Variants in ANO2 observed in about 807,000 individuals in gnomAD.
ANO2 encodes anoctamin-2.
A neutral mutation model predicts 124.2 loss-of-function variants in ANO2; 101 were observed. The ratio of observed to expected loss-of-function variants is 0.81; its 90% confidence interval spans 0.69 to 0.96. The LOEUF (loss-of-function observed/expected upper bound fraction) is 0.96, where lower values mean the gene tolerates loss of function less well. ANO2 is among the 40% of genes least tolerant of loss of function. The pLI, the probability that ANO2 is intolerant of heterozygous loss-of-function variation, is 0.00. For missense variants in ANO2, 1,293 were observed against 1,274.5 expected, an observed-to-expected ratio of 1.01 and a Z score of -0.22; for synonymous variants, 486 against 482.5, an observed-to-expected ratio of 1.01 and a Z score of -0.09.
chr12:5,676,013 T>A (rs1948225907), intron 14 of ANO2, among the ~76,000 whole-genome samples: 1 of 152,172 alleles, frequency 6.6e-6, no homozygotes, highest in Admixed American at 6.5e-5. Flanking sequence ...CGGAGCCACA[T>A]CACATCTTCC....
chr12:5,657,554 C>T (rs920378994), intron 14 of ANO2, among the ~76,000 whole-genome samples: 3 of 150,452 alleles, frequency 2.0e-5, no homozygotes, highest in Non-Finnish European at 4.4e-5. Flanking sequence ...GGTTGGAGTG[C>T]AGTATGCTTT....
chr12:5,588,210 C>A (rs923019656), intron 20 of ANO2, among the ~76,000 whole-genome samples: 2 of 149,118 alleles, frequency 1.3e-5, no homozygotes, highest in Admixed American at 1.4e-4. Context: ...AGGAGGAAGC[C>A]TCACTTCATT....
At chr12:5,586,679 T>C (rs2136860286) in intron 20 of ANO2, among the ~76,000 whole-genome samples, 1 of 152,370 alleles carries the variant, frequency 6.6e-6, no homozygotes, top group Non-Finnish European at 1.5e-5. Context: ...CAGGCCATTC[T>C]GCTCCTTTAA....
chr12:5,585,043 C>T (rs184488447), intron 20 of ANO2, among the ~76,000 whole-genome samples: 2 of 152,138 alleles, frequency 1.3e-5, no homozygotes, highest in African/African-American at 4.8e-5. Flanking sequence ...GACAGCCTCA[C>T]GTGGTGAGAA....
At chr12:5,845,985 T>A (rs1291494451) in intron 4 of ANO2, among the ~76,000 whole-genome samples, 2 of 152,268 alleles carry the variant, frequency 1.3e-5, no homozygotes, top group Non-Finnish European at 2.9e-5. Context: ...AGACTTTTGA[T>A]CTCAAGATAA....
intron 14 of ANO2, among the ~76,000 whole-genome samples, chr12:5,712,317 CAAG>C (rs1394051811): frequency 6.6e-6 from 1 of 151,942 alleles, no homozygotes; most frequent in Non-Finnish European, 1.5e-5. Flanking sequence ...CAAATGTAAC[CAAG>C]TTAAGGATCT....
Position 5,672,425 on chromosome 12 carries a change from T to C in ANO2, c.1546-24624A>G, listed in dbSNP as rs188633413. 9.5e-4 allele frequency among the ~76,000 whole-genome samples: 144 copies of C among 152,362 alleles called. 1 individual carries two copies. The highest frequency in any genetic ancestry group is 3.5e-4 in the Non-Finnish European group (24 of 68,034). On this transcript the variant is annotated intron_variant, in intron 14 of 24. Transcript: ENST00000682330. ...ACAGAAGTCTTCATGTTCTGCAGTC[T>C]GTGCCCTTCTGAACACTCTTGGTTT...
chr12:5,600,982 T>A (rs1490694383), intron 19 of ANO2, among the ~76,000 whole-genome samples: 2 of 152,216 alleles, frequency 1.3e-5, no homozygotes, highest in Admixed American at 1.3e-4. Flanking sequence ...AATGTTTTGA[T>A]CAGTTTCTGG....
chr12:5,718,903 C>T (rs1179021861), intron 14 of ANO2, among the ~76,000 whole-genome samples: 3 of 152,228 alleles, frequency 2.0e-5, no homozygotes, highest in African/African-American at 4.8e-5. Flanking sequence ...TTCCAGTTCC[C>T]ACTAGAGGAC....
Position 5,577,950 on chromosome 12 carries a change from C to G in ANO2, c.2439+5G>C. On this transcript the variant is annotated splice_donor_5th_base_variant and intron_variant, in intron 22 of 24. Coordinates refer to ENST00000682330, the MANE Select transcript of ANO2 (RefSeq NM_001364791.2). The stretch of plus-strand genomic sequence containing the variant: ...AGCGAGTGTGTCATGAATGCAAGTA[C>G]TTACGTTGCTGATAACAGAGAACTT... The G allele has an allele frequency of 2.5e-6, 4 of 1,613,154 alleles. No individual in the cohort carries two copies. Among genetic ancestry groups the G allele is most frequent in the South Asian group, 1.1e-5 (1 of 91,002 alleles).
At chr12:5,628,697 C>T (rs1015362013) in intron 16 of ANO2, among the ~76,000 whole-genome samples, 6 of 151,724 alleles carry the variant, frequency 4.0e-5, no homozygotes, top group African/African-American at 1.2e-4. Context: ...TGCGCGCGCG[C>T]ACGCGTGCGT....
At chr12:5,749,224 CT>C (rs1951367411) in intron 11 of ANO2, among the ~76,000 whole-genome samples, 1 of 152,192 alleles carries the variant, frequency 6.6e-6, no homozygotes, top group Admixed American at 6.5e-5. Context: ...AGAATGGCCA[CT>C]ACTTTCCCCA....
chr12:5,662,410 T>C (rs536290530), intron 14 of ANO2, among the ~76,000 whole-genome samples: 1 of 152,310 alleles, frequency 6.6e-6, no homozygotes, highest in African/African-American at 2.4e-5. Context: ...TTGAAATGTG[T>C]TGGTAATTTT....
At chr12:5,758,434 C>A (rs1394290904) in intron 10 of ANO2, among the ~76,000 whole-genome samples, 1 of 152,112 alleles carries the variant, frequency 6.6e-6, no homozygotes, top group Non-Finnish European at 1.5e-5. Flanking sequence ...CCTCCACAGC[C>A]CCACTTATAG....
intron 16 of ANO2, among the ~76,000 whole-genome samples, chr12:5,619,970 G>A (rs1313506528): frequency 6.6e-6 from 1 of 152,236 alleles, no homozygotes; most frequent in Non-Finnish European, 1.5e-5. Flanking sequence ...AGCAGGCCCA[G>A]AGGTCACTGA....
intron 10 of ANO2, among the ~76,000 whole-genome samples, chr12:5,789,879 C>T (rs1219758565): frequency 2.0e-5 from 3 of 152,186 alleles, no homozygotes; most frequent in Non-Finnish European, 2.9e-5. Context: ...AAGACGTTTT[C>T]TGTTTATGTT....
chr12:5,738,146 T>C (rs1275131483), intron 13 of ANO2, among the ~76,000 whole-genome samples: 2 of 152,222 alleles, frequency 1.3e-5, no homozygotes, highest in East Asian at 3.9e-4. Context: ...GCTGCTGCCC[T>C]GCGGGTCCTG....
intron 3 of ANO2, among the ~76,000 whole-genome samples, chr12:5,883,502 G>GGTGTGTGT (rs5796191): frequency 0.016 from 2,290 of 144,652 alleles, 42 homozygotes; most frequent in African/African-American, 0.054. Context: ...ACATTAGGGT[G>GGTGTGTGT]GTGTGTGTGT....
In ANO2 at chr12:5,904,044, A is replaced by G. The variant is rs1159101992; in HGVS notation, c.534+16996T>C. 3.3e-5 allele frequency among the ~76,000 whole-genome samples: 5 copies of G among 152,074 alleles called. No homozygotes were observed. The highest frequency in any genetic ancestry group is 5.9e-5 in the Non-Finnish European group (4 of 68,014). ...CAATTTCCTGCCTTCTGCTTTCTTC[A>G]TTAAACACTGACCTCCCCAAATGTG... On this transcript the variant is annotated intron_variant, in intron 3 of 24. Transcript: ENST00000682330. This position sits in a 1 kb window ranked among gnomAD's most constrained non-coding sequence, Gnocchi z 4.1.
Sources: allele counts gnomAD v4.1 joint callset (sites outside exome capture counted in the v4.1 genomes callset), GRCh38; gene constraint gnomAD v4.1.1; non-coding constraint Gnocchi (gnomAD v3.1); transcripts MANE v1.5; gene names NCBI Gene and HGNC (gene_info 2026-07-23, HGNC 2026-07-21).